RASEF: variants seen among roughly 807,000 people sequenced by gnomAD.
RASEF encodes the protein ras and EF-hand domain-containing protein.
In RASEF, 68 loss-of-function variants were observed where a neutral mutation model predicts 90.1. The ratio of observed to expected loss-of-function variants is 0.75; its 90% CI spans 0.62 to 0.92. The LOEUF (loss-of-function observed/expected upper bound fraction) is 0.92. Among genes scored for constraint, RASEF ranks in the 40% least tolerant of loss-of-function variants. The pLI is 0.00. For synonymous variants in RASEF, 331 were observed against 345.2 expected (o/e 0.96, Z 0.46); for missense variants, 949 against 937.2 (o/e 1.01, Z -0.16).
At chr9:83,087,431 C>CTCTCTCTCTCTCTCTCTT in the RASEF span, among the ~76,000 whole-genome samples, 1 of 151,536 alleles carries the variant, frequency 6.6e-6, no homozygotes, top group African/African-American at 2.4e-5. Context: ...CTCTCTCTCT[C>CTCTCTCTCTCTCTCTCTT]TCTCTCTCTG....
the RASEF span, among the ~76,000 whole-genome samples, chr9:83,104,475 A>G: frequency 6.6e-6 from 1 of 152,220 alleles, no homozygotes; most frequent in Non-Finnish European, 1.5e-5. Context: ...GATGGACAAT[A>G]TAAGAGCCCC....
At chr9:83,203,199 A>G in the RASEF span, among the ~76,000 whole-genome samples, 1 of 152,104 alleles carries the variant, frequency 6.6e-6, no homozygotes, top group Non-Finnish European at 1.5e-5. Flanking sequence ...ATAAATATTG[A>G]GTACTTCTAG....
At chr9:83,068,945 T>C in the RASEF span, among the ~76,000 whole-genome samples, 1 of 152,224 alleles carries the variant, frequency 6.6e-6, no homozygotes, top group Non-Finnish European at 1.5e-5. Flanking sequence ...TTTTGAGGAC[T>C]TTCATTTTTG....
At chr9:83,158,555 CAT>C in the RASEF span, among the ~76,000 whole-genome samples, 5 of 148,564 alleles carry the variant, frequency 3.4e-5, no homozygotes, top group African/African-American at 4.9e-5. Flanking sequence ...TACACACACA[CAT>C]ATATACATAT....
the RASEF span, among the ~76,000 whole-genome samples, chr9:83,122,508 C>T: frequency 6.6e-6 from 1 of 152,152 alleles, no homozygotes; most frequent in Non-Finnish European, 1.5e-5. Context: ...AGTCTCCCTC[C>T]ACGCCTGTGC....
upstream of RASEF, among the ~76,000 whole-genome samples, chr9:83,063,815 T>C (rs1287770082): frequency 2.0e-5 from 3 of 152,216 alleles, no homozygotes; most frequent in African/African-American, 7.2e-5. Context: ...AACACTTTTT[T>C]CGACAATACT....
At chr9:83,018,248 G>T (rs1268158716) in intron 3 of RASEF, among the ~76,000 whole-genome samples, 1 of 151,800 alleles carries the variant, frequency 6.6e-6, no homozygotes, top group Non-Finnish European at 1.5e-5. Flanking sequence ...CAACAAAAAG[G>T]CACTGCATAT....
the RASEF span, among the ~76,000 whole-genome samples, chr9:83,215,794 A>G: frequency 8.5e-5 from 13 of 152,190 alleles, no homozygotes; most frequent in Non-Finnish European, 5.9e-5. Context: ...AAAATATGGG[A>G]AAGTTTGGAA....
At chr9:83,061,595 A>C (rs893574020) in intron 1 of RASEF, among the ~76,000 whole-genome samples, 4 of 152,166 alleles carry the variant, frequency 2.6e-5, no homozygotes, top group Admixed American at 2.0e-4. Flanking sequence ...AATGCAAACG[A>C]AACTCAAAAA....
At chr9:83,147,880 C>T in the RASEF span, among the ~76,000 whole-genome samples, 5 of 151,962 alleles carry the variant, frequency 3.3e-5, no homozygotes, top group East Asian at 1.9e-4. Flanking sequence ...ATCCCGCTGC[C>T]GAACTCCTCT....
chr9:83,016,888 T>G (rs924709494), intron 3 of RASEF, among the ~76,000 whole-genome samples: 1 of 152,204 alleles, frequency 6.6e-6, no homozygotes, highest in East Asian at 1.9e-4. Context: ...CTCCATTTTC[T>G]TTTTAACTAC....
chr9:83,078,125 G>T, the RASEF span, among the ~76,000 whole-genome samples: 6 of 152,166 alleles, frequency 3.9e-5, no homozygotes, highest in African/African-American at 1.4e-4. Context: ...CACTGAATCA[G>T]TAACTCGGGT....
At chr9:83,073,469 T>C in the RASEF span, among the ~76,000 whole-genome samples, 1 of 152,010 alleles carries the variant, frequency 6.6e-6, no homozygotes, top group African/African-American at 2.4e-5. Flanking sequence ...CACACTGATA[T>C]GAATCCTCCT....
chr9:83,171,918 T>G, the RASEF span, among the ~76,000 whole-genome samples: 1 of 151,822 alleles, frequency 6.6e-6, no homozygotes, highest in African/African-American at 2.4e-5. Flanking sequence ...TTTGTTTAGT[T>G]CTGCTCTGAT....
At chr9:83,148,486 G>A in the RASEF span, among the ~76,000 whole-genome samples, 2,070 of 152,178 alleles carry the variant, frequency 0.014, 51 homozygotes, top group African/African-American at 0.047. Flanking sequence ...GCCAAGAAAA[G>A]CCAGAGATTG....
At chr9:83,168,393 T>C in the RASEF span, among the ~76,000 whole-genome samples, 3 of 152,234 alleles carry the variant, frequency 2.0e-5, no homozygotes, top group African/African-American at 7.2e-5. Context: ...TAATTGTAAA[T>C]ATTTATGAGG....
chr9:83,018,584 T>C (rs1156366052), intron 3 of RASEF, among the ~76,000 whole-genome samples: 1 of 151,948 alleles, frequency 6.6e-6, no homozygotes, highest in African/African-American at 2.4e-5. Context: ...TTAAAAGAAA[T>C]TGAAAGGCTG....
the RASEF span, among the ~76,000 whole-genome samples, chr9:83,092,599 TGGACCCA>T: frequency 2.0e-5 from 3 of 152,116 alleles, no homozygotes; most frequent in Non-Finnish European, 4.4e-5. Flanking sequence ...AAAAGCAGTG[TGGACCCA>T]AAGAGTGAGC....
chr9:83,203,310 C>T, the RASEF span, among the ~76,000 whole-genome samples: 3 of 150,372 alleles, frequency 2.0e-5, no homozygotes, highest in African/African-American at 7.4e-5. Context: ...GACTCTCATT[C>T]TGTCACCCGG....
Sources: allele counts gnomAD v4.1 joint callset (sites outside exome capture counted in the v4.1 genomes callset), GRCh38; gene constraint gnomAD v4.1.1; transcripts MANE v1.5; gene names NCBI Gene and HGNC (gene_info 2026-07-23, HGNC 2026-07-21).